NCOA2: variants seen among roughly 807,000 people sequenced by gnomAD.
The protein encoded by NCOA2 is class E basic helix-loop-helix protein 75.
In NCOA2, 21 loss-of-function variants were observed where a neutral mutation model predicts 145.1. The ratio of observed to expected loss-of-function variants is 0.14; its 90% CI spans 0.10 to 0.21. The LOEUF is 0.21. NCOA2 is among the 10% of genes least tolerant of loss of function. NCOA2 has a pLI of 1.00. For synonymous variants in NCOA2, 619 were observed against 637.5 expected (o/e 0.97, Z 0.44); for missense variants, 1,472 against 1,837.6 (o/e 0.80, Z 3.64).
intron 4 of NCOA2, among the ~76,000 whole-genome samples, chr8:70,190,501 T>C (rs16936816): frequency 0.056 from 8,513 of 151,942 alleles, 311 homozygotes; most frequent in East Asian, 0.16. Context: ...TTTAGTAGAG[T>C]ATATGAAAGT....
chr8:70,237,762 T>A (rs1317367269), intron 2 of NCOA2, among the ~76,000 whole-genome samples: 1 of 151,950 alleles, frequency 6.6e-6, no homozygotes, highest in East Asian at 1.9e-4. Flanking sequence ...AGAGCAACAC[T>A]CCATCTTCCA....
intron 8 of NCOA2, 71 bp downstream of exon 8, chr8:70,163,394 A>C: frequency 6.5e-6 from 7 of 1,082,792 alleles, no homozygotes; most frequent in Non-Finnish European, 9.7e-6. Context: ...TTCTAAATAG[A>C]GTCCTTGCAT....
chr8:70,311,650 CTAGACTGGTCTA>C (rs1361335150), intron 1 of NCOA2, among the ~76,000 whole-genome samples: 1 of 152,178 alleles, frequency 6.6e-6, no homozygotes, highest in Non-Finnish European at 1.5e-5. Flanking sequence ...TTGTTCTCTT[CTAGACTGGTCTA>C]GAGACTGGCC....
chr8:70,203,234 G>C (rs1818085294), intron 4 of NCOA2, among the ~76,000 whole-genome samples: 1 of 129,518 alleles, frequency 7.7e-6, no homozygotes, highest in Admixed American at 9.6e-5. Flanking sequence ...CTGCACTCCA[G>C]GCTGGTGATA....
rs760176745 is a variant in NCOA2 at position 70,156,164 on chromosome 8, G to T, written c.2201C>A (p.Pro734Gln). The change falls in exon 11 of 23, where the codon CCG (proline) becomes CAG (glutamine). Residue 734 changes from proline (P) to glutamine (Q), a missense_variant. By Grantham distance (76) the Pro-to-Gln change is moderately conservative (BLOSUM62 -1). This residue lies in a region of NCOA2 where 953 missense variants were observed against 1,062.1 expected (regional missense o/e 0.90). Transcript: ENST00000452400. ...ATTCTCTTTCTTCTTGGGGCTCACC[G>T]GCTCTTGTTTAATAGTCACTTCTGA... ...PGSEVTIKQE[P>Q]VSPKKKENAL... The T allele has an allele frequency of 6.2e-7, 1 of 1,613,736 alleles. No individual in the cohort carries two copies. Among genetic ancestry groups the T allele is most frequent in the African/African-American group, 1.3e-5 (1 of 74,974 alleles).
At chr8:70,151,635 A>C (rs1199728643) in intron 11 of NCOA2, among the ~76,000 whole-genome samples, 1 of 152,172 alleles carries the variant, frequency 6.6e-6, no homozygotes, top group Non-Finnish European at 1.5e-5. Flanking sequence ...CTTAGTATCA[A>C]AAGGAACTAG....
At chr8:70,247,953 T>C (rs1033158960) in intron 2 of NCOA2, among the ~76,000 whole-genome samples, 5 of 152,238 alleles carry the variant, frequency 3.3e-5, no homozygotes, top group African/African-American at 4.8e-5. Context: ...TCTGCTGGCA[T>C]ACACGAATTG....
chr8:70,281,079 C>A (rs1371899344), intron 2 of NCOA2, among the ~76,000 whole-genome samples: 2 of 151,956 alleles, frequency 1.3e-5, no homozygotes, highest in Non-Finnish European at 1.5e-5. Flanking sequence ...ATAGGCTGGG[C>A]ATGGTGGCTC....
At chr8:70,270,373 C>A (rs1319437008) in intron 2 of NCOA2, among the ~76,000 whole-genome samples, 2 of 152,100 alleles carry the variant, frequency 1.3e-5, no homozygotes, top group African/African-American at 2.4e-5. Flanking sequence ...TGTAGTCCTT[C>A]AATGATGTGA....
rs1814218524 is a variant in NCOA2, at chr8:70,401,284, C to T, written c.-77+2416G>A. On this transcript the variant is annotated intron_variant, in intron 1 of 22. Coordinates refer to ENST00000452400, the MANE Select transcript of NCOA2 (RefSeq NM_006540.4). Reference sequence around the variant, plus strand: ...AATAAACAGTTAAAACCAAAGATGTCTCCAAACCTTGTATAAACCAGAAAA... The same window carrying T: ...AATAAACAGTTAAAACCAAAGATGTTTCCAAACCTTGTATAAACCAGAAAA... Among the ~76,000 whole-genome samples, 4 of 152,198 alleles carry T rather than the reference C, an allele frequency of 2.6e-5. No individual in the cohort carries two copies. In the South Asian group the frequency reaches 8.3e-4, roughly 32 times the overall value.
At chr8:70,432,661 TC>T in the NCOA2 span, among the ~76,000 whole-genome samples, 1 of 152,028 alleles carries the variant, frequency 6.6e-6, no homozygotes, top group Admixed American at 6.6e-5. Flanking sequence ...ACACCTTGTC[TC>T]AAAAAATAAA....
At chr8:70,367,988 C>T (rs916377026) in intron 1 of NCOA2, among the ~76,000 whole-genome samples, 4 of 152,140 alleles carry the variant, frequency 2.6e-5, no homozygotes, top group Non-Finnish European at 4.4e-5. Flanking sequence ...ATGAATTCAA[C>T]ATAGACTCAG....
At chr8:70,268,816 G>A (rs1824815039) in intron 2 of NCOA2, among the ~76,000 whole-genome samples, 1 of 152,150 alleles carries the variant, frequency 6.6e-6, no homozygotes, top group Non-Finnish European at 1.5e-5. Flanking sequence ...AGTTACTGGA[G>A]TAATAAGCTA....
the NCOA2 span, among the ~76,000 whole-genome samples, chr8:70,450,345 C>T: frequency 8.5e-5 from 13 of 152,290 alleles, no homozygotes; most frequent in African/African-American, 2.9e-4. Flanking sequence ...AAGGAGACTC[C>T]TGAACACTAA....
At chr8:70,168,123 C>T (rs553619455) in intron 6 of NCOA2, among the ~76,000 whole-genome samples, 13 of 152,198 alleles carry the variant, frequency 8.5e-5, no homozygotes, top group African/African-American at 2.9e-4. Flanking sequence ...GGTGTTACAG[C>T]GAATCCAATG....
At chr8:70,200,914 G>T (rs183042312) in intron 4 of NCOA2, among the ~76,000 whole-genome samples, 137 of 151,988 alleles carry the variant, frequency 9.0e-4, no homozygotes, top group Middle Eastern at 6.8e-3. Flanking sequence ...CAAATGTGGT[G>T]TTGTACACCT....
intron 2 of NCOA2, among the ~76,000 whole-genome samples, chr8:70,259,449 C>A (rs1823928017): frequency 6.6e-6 from 1 of 152,054 alleles, no homozygotes; most frequent in South Asian, 2.1e-4. Flanking sequence ...ATTATGATAC[C>A]TTGGTACATA....
intron 1 of NCOA2, among the ~76,000 whole-genome samples, chr8:70,317,430 T>C (rs1360442158): frequency 2.6e-5 from 4 of 152,288 alleles, no homozygotes; most frequent in African/African-American, 7.2e-5. Flanking sequence ...ACCAAAAGCA[T>C]TGCACAACCC....
intron 2 of NCOA2, among the ~76,000 whole-genome samples, chr8:70,221,585 T>C (rs1226622486): frequency 6.6e-6 from 1 of 152,204 alleles, no homozygotes; most frequent in Non-Finnish European, 1.5e-5. Context: ...AGTAAGATGA[T>C]ACAGAAGACA....
Sources: allele counts gnomAD v4.1 joint callset (sites outside exome capture counted in the v4.1 genomes callset), GRCh38; gene constraint gnomAD v4.1.1; regional missense constraint gnomAD v4.1.1; transcripts MANE v1.5; gene names NCBI Gene and HGNC (gene_info 2026-07-23, HGNC 2026-07-21).